TSPAN5: variants seen among roughly 807,000 people sequenced by gnomAD.
TSPAN5 encodes the protein tetraspanin-5.
In TSPAN5, 10 loss-of-function variants were observed where a neutral mutation model predicts 37.1. That is an observed-to-expected ratio of 0.27 (90% CI 0.17 to 0.46). The LOEUF (loss-of-function observed/expected upper bound fraction) is 0.46. Ranked by LOEUF, TSPAN5 falls within the 20% of genes least tolerant of loss-of-function variation. The pLI, the probability that TSPAN5 is intolerant of heterozygous loss-of-function variation, is 1.00. For missense variants in TSPAN5, 195 were observed against 326.6 expected (o/e 0.60, Z 3.11); for synonymous variants, 110 against 118.9 (o/e 0.93, Z 0.48).
chr4:98,630,925 A>C (rs1166899217), intron 1 of TSPAN5, among the ~76,000 whole-genome samples: 1 of 152,178 alleles, frequency 6.6e-6, no homozygotes, highest in African/African-American at 2.4e-5. Flanking sequence ...TTACTCATAA[A>C]TCTCAACACC....
intron 1 of TSPAN5, among the ~76,000 whole-genome samples, chr4:98,654,491 G>C (rs1757257320): frequency 6.6e-6 from 1 of 152,176 alleles, no homozygotes; most frequent in South Asian, 2.1e-4. Context: ...ACCCAAAGCA[G>C]TCTCAGGGTT....
At chr4:98,492,695 G>A (rs540919444) in intron 2 of TSPAN5, among the ~76,000 whole-genome samples, 9 of 152,296 alleles carry the variant, frequency 5.9e-5, no homozygotes, top group South Asian at 4.1e-4. Flanking sequence ...TCAAGTCAAC[G>A]TAGTAATTAA....
intron 1 of TSPAN5, among the ~76,000 whole-genome samples, chr4:98,599,821 A>T (rs533024483): frequency 2.0e-5 from 3 of 152,326 alleles, no homozygotes; most frequent in African/African-American, 7.2e-5. Context: ...TTGTTTAACC[A>T]TTCACTAGGT....
intron 1 of TSPAN5, among the ~76,000 whole-genome samples, chr4:98,606,980 C>T (rs919269089): frequency 6.6e-6 from 1 of 152,098 alleles, no homozygotes; most frequent in Non-Finnish European, 1.5e-5. Flanking sequence ...CAGCTCAACT[C>T]CCCATAGTGG....
intron 1 of TSPAN5, among the ~76,000 whole-genome samples, chr4:98,517,349 T>A (rs868240028): frequency 6.6e-6 from 1 of 152,106 alleles, no homozygotes; most frequent in African/African-American, 2.4e-5. Flanking sequence ...GGAAGCAGAA[T>A]GATATGGCTA....
chr4:98,608,513 C>T (rs1388744962), intron 1 of TSPAN5, among the ~76,000 whole-genome samples: 1 of 152,146 alleles, frequency 6.6e-6, no homozygotes, highest in Non-Finnish European at 1.5e-5. Context: ...CAATCAGTCA[C>T]CACGGAGAGG....
chr4:98,522,502 C>A (rs774794317), intron 1 of TSPAN5, among the ~76,000 whole-genome samples: 1 of 152,214 alleles, frequency 6.6e-6, no homozygotes, highest in Non-Finnish European at 1.5e-5. Context: ...TTTCATATTT[C>A]CATACCCATG....
At chr4:98,526,143 A>G (rs2110123018) in intron 1 of TSPAN5, among the ~76,000 whole-genome samples, 1 of 152,338 alleles carries the variant, frequency 6.6e-6, no homozygotes, top group African/African-American at 2.4e-5. Flanking sequence ...GCTGGGTCTC[A>G]TCAGAAAGGA....
intron 1 of TSPAN5, among the ~76,000 whole-genome samples, chr4:98,613,328 A>T (rs1384268881): frequency 6.6e-6 from 1 of 152,220 alleles, no homozygotes; most frequent in Non-Finnish European, 1.5e-5. Flanking sequence ...CAGCAGGCTT[A>T]CAAATGTTGC....
At chr4:98,647,771 A>G (rs1443188718) in intron 1 of TSPAN5, among the ~76,000 whole-genome samples, 1 of 151,894 alleles carries the variant, frequency 6.6e-6, no homozygotes, top group Non-Finnish European at 1.5e-5. Context: ...ACAATCCTCT[A>G]TGTACATATG....
chr4:98,504,940 G>T (rs1027758950), intron 2 of TSPAN5, among the ~76,000 whole-genome samples: 1 of 152,160 alleles, frequency 6.6e-6, no homozygotes, highest in African/African-American at 2.4e-5. Context: ...AAGGCGCCAA[G>T]ATTTGGTGTC....
intron 1 of TSPAN5, among the ~76,000 whole-genome samples, chr4:98,564,653 A>C (rs1754958799): frequency 6.6e-6 from 1 of 151,972 alleles, no homozygotes. Flanking sequence ...TTAACTGCTG[A>C]GGCTTGGGTC....
intron 1 of TSPAN5, among the ~76,000 whole-genome samples, chr4:98,631,242 C>A (rs1264347390): frequency 6.6e-6 from 1 of 152,102 alleles, no homozygotes; most frequent in African/African-American, 2.4e-5. Context: ...GCTCTGAGAC[C>A]CACGGCAAGC....
chr4:98,478,540 T>G (rs1752757380), intron 5 of TSPAN5, 145 bp downstream of exon 5: 1 of 928,442 alleles, frequency 1.1e-6, no homozygotes, highest in Non-Finnish European at 1.7e-6. Flanking sequence ...CTAGGAAGAT[T>G]TGAGCACCAT....
chr4:98,616,247 GA>G (rs1756334220), intron 1 of TSPAN5, among the ~76,000 whole-genome samples: 1 of 151,990 alleles, frequency 6.6e-6, no homozygotes, highest in South Asian at 2.1e-4. Context: ...CATAGAAAAG[GA>G]ATTGTAGGGG....
intron 1 of TSPAN5, among the ~76,000 whole-genome samples, chr4:98,615,102 G>A (rs536140510): frequency 2.0e-5 from 3 of 152,284 alleles, no homozygotes; most frequent in South Asian, 4.1e-4. Context: ...CGGGAACCAC[G>A]TGACAGCCCA....
intron 1 of TSPAN5, among the ~76,000 whole-genome samples, chr4:98,522,788 G>A (rs1560522468): frequency 6.6e-6 from 1 of 152,192 alleles, no homozygotes; most frequent in Non-Finnish European, 1.5e-5. Context: ...AAGGAGGGGG[G>A]ATGTCTGAAA....
intron 1 of TSPAN5, among the ~76,000 whole-genome samples, chr4:98,566,507 G>T (rs1755008367): frequency 6.6e-6 from 1 of 152,224 alleles, no homozygotes; most frequent in African/African-American, 2.4e-5. Flanking sequence ...CAAAACATGT[G>T]ATTCCAGTGT....
chr4:98,612,540 T>TA (rs2110236165), intron 1 of TSPAN5, among the ~76,000 whole-genome samples: 1 of 152,310 alleles, frequency 6.6e-6, no homozygotes, highest in South Asian at 2.1e-4. Flanking sequence ...TTAGCAGACC[T>TA]AAACAGTGAC....
Sources: gnomAD v4.1 joint callset for allele counts (sites outside exome capture counted in the v4.1 genomes callset) on GRCh38, gnomAD v4.1.1 for gene constraint, MANE v1.5 for transcripts, NCBI Gene and HGNC (gene_info 2026-07-23, HGNC 2026-07-21) for gene names.